ZNF407: variants seen among roughly 807,000 people sequenced by gnomAD.
ZNF407 encodes the protein zinc finger protein 407.
In ZNF407, 17 loss-of-function variants were observed where a neutral mutation model predicts 131.2. That is an observed-to-expected ratio of 0.13 (90% confidence interval 0.09 to 0.19). ZNF407 has a LOEUF of 0.19. Ranked by LOEUF, ZNF407 falls within the 10% of genes least tolerant of loss-of-function variation. The probability of loss-of-function intolerance (pLI) is 1.00; values close to 1 mark genes in which losing one functional copy is unlikely to be tolerated. For missense variants in ZNF407, 2,681 were observed against 2,830.6 expected (o/e 0.95, Z 1.20); for synonymous variants, 1,156 against 1,062.0 (o/e 1.09, Z -1.72).
intron 8 of ZNF407, among the ~76,000 whole-genome samples, chr18:74,955,821 T>A (rs2145285102): frequency 6.6e-6 from 1 of 152,286 alleles, no homozygotes; most frequent in Admixed American, 6.5e-5. Context: ...TTCATCAGGC[T>A]CGGCCAGCCA....
At chr18:74,808,701 C>A (rs1440348580) in intron 4 of ZNF407, among the ~76,000 whole-genome samples, 3 of 147,438 alleles carry the variant, frequency 2.0e-5, no homozygotes, top group Admixed American at 6.7e-5. Context: ...ATGATAGGAT[C>A]AATTACATTT....
chr18:74,625,042 A>G (rs1358267230), intron 1 of ZNF407, among the ~76,000 whole-genome samples: 3 of 152,236 alleles, frequency 2.0e-5, no homozygotes, highest in African/African-American at 4.8e-5. Context: ...TCTTACCCCA[A>G]TGCATGAGTA....
chr18:74,779,107 A>AT (rs1164567395), intron 3 of ZNF407, among the ~76,000 whole-genome samples: 19 of 23,548 alleles, frequency 8.1e-4, no homozygotes, highest in African/African-American at 1.8e-3. Context: ...ATATATATAT[A>AT]TATTTTTTTT....
At chr18:74,619,710 A>T (rs912673778) in intron 1 of ZNF407, among the ~76,000 whole-genome samples, 1 of 152,194 alleles carries the variant, frequency 6.6e-6, no homozygotes, top group African/African-American at 2.4e-5. Flanking sequence ...TTAATATTTC[A>T]TGACTGATTT....
At position 74,940,526 on chromosome 18, in the gene ZNF407, G is replaced by C. The variant is rs1282151378; in HGVS notation, c.5428+19834G>C. 2.0e-5 allele frequency among the ~76,000 whole-genome samples: 3 copies of C among 152,274 alleles called. No homozygotes were observed. The East Asian group carries it at 5.8e-4, about 29-fold the overall frequency. ...GCTGATGCGCTCAGGGCTAATAGGG[G>C]CCAGACTTGAAAGGTATGTTGAGGA... On this transcript the variant is annotated intron_variant, in intron 8 of 8. Transcript: ENST00000299687.
At chr18:74,806,488 G>A (rs1325279103) in intron 4 of ZNF407, among the ~76,000 whole-genome samples, 1 of 152,126 alleles carries the variant, frequency 6.6e-6, no homozygotes, top group East Asian at 1.9e-4. Flanking sequence ...TTATTTCCAT[G>A]GACATAGCTT....
At chr18:74,676,542 T>C (rs890453463) in intron 3 of ZNF407, among the ~76,000 whole-genome samples, 5 of 151,592 alleles carry the variant, frequency 3.3e-5, no homozygotes, top group African/African-American at 1.2e-4. Context: ...GTTCACGCCA[T>C]TCTCCTGCCT....
intron 8 of ZNF407, among the ~76,000 whole-genome samples, chr18:74,988,027 T>C (rs1346538193): frequency 6.6e-6 from 1 of 152,164 alleles, no homozygotes; most frequent in Non-Finnish European, 1.5e-5. Flanking sequence ...TTGGAAGACA[T>C]GCATACTGGA....
At chr18:74,804,694 T>G in intron 4 of ZNF407, 8 of 794,478 alleles carry the variant, frequency 1.0e-5, no homozygotes, top group Non-Finnish European at 1.2e-5. Context: ...AGTTAGCTTT[T>G]GTACCACAAC....
rs553143120 is a variant in ZNF407 at position 74,884,503 on chromosome 18, A to G, written c.5128+3384A>G. On this transcript the variant is annotated intron_variant, in intron 6 of 8. Coordinates refer to ENST00000299687, the MANE Select transcript of ZNF407 (RefSeq NM_017757.3). ...CTCAGATGTCTGAGCCTTGCTTAGC[A>G]TAGGATTTTATGTACCATGATATTT... is the stretch of plus-strand genomic sequence containing the variant. Among the ~76,000 whole-genome samples the G allele has an allele frequency of 1.4e-4, 22 of 152,348 alleles. 1 individual carries two copies. Among genetic ancestry groups the G allele is most frequent in the Admixed American group, 1.4e-3 (22 of 15,306 alleles).
chr18:74,779,557 T>C (rs2145023306), intron 3 of ZNF407, among the ~76,000 whole-genome samples: 1 of 152,278 alleles, frequency 6.6e-6, no homozygotes, highest in South Asian at 2.1e-4. Flanking sequence ...TGAGCTGTGT[T>C]ATAGTATTAA....
intron 4 of ZNF407, among the ~76,000 whole-genome samples, chr18:74,847,031 G>A (rs988768374): frequency 3.9e-5 from 6 of 151,998 alleles, no homozygotes; most frequent in African/African-American, 4.8e-5. Flanking sequence ...TTTTCTGTTT[G>A]CACTTTTGCT....
intron 3 of ZNF407, among the ~76,000 whole-genome samples, chr18:74,692,815 C>T (rs1426524228): frequency 6.6e-6 from 1 of 152,026 alleles, no homozygotes; most frequent in Non-Finnish European, 1.5e-5. Flanking sequence ...TGGCCTCCAC[C>T]CCTCCCCCAG....
rs1416301177 is a variant in ZNF407, at chr18:74,635,911, G to A, written c.4687+205G>A. On this transcript the variant is annotated intron_variant, in intron 2 of 8. Transcript: ENST00000299687. The surrounding 1 kb of genome is among the most constrained non-coding windows in gnomAD (Gnocchi z 4.7). ...TTAAGCCCTAGTGATTTCAAAGGCA[G>A]GTTAGCTGACAAGTTTCTTTTAATT... Among the ~76,000 whole-genome samples the A allele has an allele frequency of 6.6e-6, 1 of 152,174 alleles. No individual in the cohort carries two copies. The highest frequency in any genetic ancestry group is 1.9e-4 in the East Asian group (1 of 5,190).
intron 7 of ZNF407, among the ~76,000 whole-genome samples, chr18:74,913,961 G>C (rs560122254): frequency 7.8e-4 from 119 of 152,194 alleles, no homozygotes; most frequent in African/African-American, 2.7e-3. Flanking sequence ...ATAAGGCATG[G>C]GTCCCATCTT....
chr18:74,804,389 G>A, intron 4 of ZNF407: 3 of 1,022,360 alleles, frequency 2.9e-6, no homozygotes, highest in Non-Finnish European at 3.5e-6. Flanking sequence ...TGTGACAAAT[G>A]CCTGGCATAT....
intron 8 of ZNF407, among the ~76,000 whole-genome samples, chr18:74,980,217 G>A (rs1389971200): frequency 1.3e-5 from 2 of 150,880 alleles, no homozygotes; most frequent in South Asian, 2.1e-4. Context: ...ATTCCAAAAC[G>A]GAAGACGAGT....
chr18:74,753,177 C>G (rs1285810206), intron 3 of ZNF407, among the ~76,000 whole-genome samples: 2 of 152,106 alleles, frequency 1.3e-5, no homozygotes, highest in Non-Finnish European at 2.9e-5. Context: ...TGATTTGGCT[C>G]TCTGTTTGTC....
intron 8 of ZNF407, among the ~76,000 whole-genome samples, chr18:75,040,562 C>T (rs909256476): frequency 1.3e-5 from 2 of 152,082 alleles, no homozygotes; most frequent in Non-Finnish European, 2.9e-5. Context: ...ATTGGCTACA[C>T]GTGGTTTCAG....
Sources: allele counts gnomAD v4.1 joint callset (sites outside exome capture counted in the v4.1 genomes callset), GRCh38; gene constraint gnomAD v4.1.1; non-coding constraint Gnocchi (gnomAD v3.1); transcripts MANE v1.5; gene names NCBI Gene and HGNC (gene_info 2026-07-23, HGNC 2026-07-21).